The following HRK variants were observed in gnomAD, a reference collection of about 807,000 sequenced individuals.
The protein encoded by HRK is harakiri, BCL2 interacting protein, also known as activator of apoptosis harakiri.
HRK carries 6 observed loss-of-function variants against 5.9 expected under a neutral mutation model. The ratio of observed to expected loss-of-function variants is 1.02; its 90% CI spans 0.56 to 2.01. The LOEUF is 2.01. Ranked by LOEUF, HRK falls within the 30% of genes most tolerant of loss-of-function variation. The probability of loss-of-function intolerance (pLI) is 0.00; values close to 1 mark genes in which losing one functional copy is unlikely to be tolerated. For missense variants in HRK, 133 were observed against 128.3 expected (o/e 1.04, Z -0.18); for synonymous variants, 85 against 65.1 (o/e 1.31, Z -1.47).
chr12:116,876,387 C>T (rs1446721921), intron 1 of HRK, among the ~76,000 whole-genome samples: 1 of 152,228 alleles, frequency 6.6e-6, no homozygotes, highest in Non-Finnish European at 1.5e-5. Flanking sequence ...CAGGTTTAAC[C>T]ACTTAATCCC....
chr12:116,870,682 A>C (rs1220010228), intron 1 of HRK, among the ~76,000 whole-genome samples: 1 of 152,166 alleles, frequency 6.6e-6, no homozygotes, highest in East Asian at 1.9e-4. Flanking sequence ...ACACACCAGT[A>C]GTCTCAGCTA....
At chr12:116,875,819 C>CTTG (rs1878905667) in intron 1 of HRK, among the ~76,000 whole-genome samples, 1 of 152,148 alleles carries the variant, frequency 6.6e-6, no homozygotes, top group Non-Finnish European at 1.5e-5. Context: ...GCTGGGATTA[C>CTTG]AGGTGTGAGC....
chr12:116,876,331 G>A (rs548655893), intron 1 of HRK, among the ~76,000 whole-genome samples: 2 of 152,338 alleles, frequency 1.3e-5, no homozygotes, highest in African/African-American at 4.8e-5. Flanking sequence ...AAGTAATTCT[G>A]GCAGGGGTGC....
intron 1 of HRK, among the ~76,000 whole-genome samples, chr12:116,874,967 G>A (rs570150995): frequency 6.6e-6 from 1 of 152,180 alleles, no homozygotes; most frequent in Non-Finnish European, 1.5e-5. Flanking sequence ...GTGTGAGCAT[G>A]GTCAAATATG....
At chr12:116,876,509 C>T (rs890060475) in intron 1 of HRK, among the ~76,000 whole-genome samples, 1 of 152,146 alleles carries the variant, frequency 6.6e-6, no homozygotes, top group African/African-American at 2.4e-5. Flanking sequence ...CTGACCACGT[C>T]GCCTTATGGG....
At chr12:116,871,660 T>C (rs1381366468) in intron 1 of HRK, among the ~76,000 whole-genome samples, 3 of 150,396 alleles carry the variant, frequency 2.0e-5, no homozygotes, top group Non-Finnish European at 4.4e-5. Flanking sequence ...AGGGTCTTGC[T>C]CTGTCGCCCA....
At chr12:116,870,379 GAGGCACGCT>G (rs1379140378) in intron 1 of HRK, among the ~76,000 whole-genome samples, 1 of 152,190 alleles carries the variant, frequency 6.6e-6, no homozygotes, top group Non-Finnish European at 1.5e-5. Context: ...GAAGTGGGGA[GAGGCACGCT>G]AGGCGTCATC....
rs912362266 is a variant in HRK, at chr12:116,878,748, C to A, written c.*56+2228G>T. On this transcript the variant is annotated intron_variant, in intron 1 of 1. Coordinates refer to ENST00000257572, the MANE Select transcript of HRK (RefSeq NM_003806.4). The surrounding 1 kb of genome is among the most constrained non-coding windows in gnomAD (Gnocchi z 4.4). ...CCCTGGAGGGTGTGGCTGCAGGGGA[C>A]GCCCGGGCGGGACAAGGCAGGTAGG... 6.6e-6 allele frequency among the ~76,000 whole-genome samples: 1 copy of A among 152,114 alleles called. No individual in the cohort carries two copies. The highest frequency in any genetic ancestry group is 2.4e-5 in the African/African-American group (1 of 41,426).
chr12:116,858,658 TA>T lies in HRK; in HGVS notation c.*2864del, dbSNP rs1565880816. ...CTGAAACCCGATATGAGGTCTTTTT[TA>T]AAATTTATTTCAAAGCCTCCCTCCC... On this transcript the variant is annotated 3_prime_UTR_variant, in exon 2 of 2. Transcript: ENST00000257572. 2 of 151,168 alleles carry T rather than the reference TA, an allele frequency of 1.3e-5. No homozygotes were observed. Among genetic ancestry groups the T allele is most frequent in the African/African-American group, 4.9e-5 (2 of 41,042 alleles). The allele number at this position is 151,168 out of a possible 1,614,324, so 9.4% of individuals were successfully genotyped here. A position where few individuals can be genotyped will look rare whatever the true frequency, so the allele number is the denominator to read the frequency against.
Position 116,881,146 on chromosome 12 carries a change from C to T in HRK, c.162G>A (p.Ala54=). 1 of 1,186,074 alleles carries T rather than the reference C, an allele frequency of 8.4e-7. No individual in the cohort carries two copies. The highest frequency in any genetic ancestry group is 1.0e-6 in the Non-Finnish European group (1 of 960,248). The allele number at this position is 1,186,074 out of a possible 1,614,324, so 73.5% of individuals were successfully genotyped here. A position where few individuals can be genotyped will look rare whatever the true frequency, so the allele number is the denominator to read the frequency against. Residue 54 remains alanine (A), a synonymous_variant, in exon 1 of 2, where the codon GCG becomes GCA. Coordinates refer to ENST00000257572, the MANE Select transcript of HRK (RefSeq NM_003806.4). ...CGGGCGCCGGCGCCCTCCGGCTCCG[C>T]GCGCGGCGCCGCCACATGGTGCGCT... ...LHQRTMWRRR[A]RSRRAPAPGA...
chr12:116,873,039 G>A (rs895094510), intron 1 of HRK, among the ~76,000 whole-genome samples: 1 of 152,216 alleles, frequency 6.6e-6, no homozygotes, highest in African/African-American at 2.4e-5. Context: ...CATGGGAAAG[G>A]ACTGCAATCT....
At position 116,861,220 on chromosome 12, in the gene HRK, C is replaced by T. The variant is rs943443345; in HGVS notation, c.*303G>A. On this transcript the variant is annotated 3_prime_UTR_variant, in exon 2 of 2. Transcript: ENST00000257572. ...GTCCTCAACAAGGCATGCACTGATA[C>T]GTAATATTCATATTTTCTTTTTTTA... 1 of 152,148 alleles carries T rather than the reference C, an allele frequency of 6.6e-6. No homozygotes were observed. The highest frequency in any genetic ancestry group is 1.5e-5 in the Non-Finnish European group (1 of 68,034). The allele number at this position is 152,148 out of a possible 1,614,324, so 9.4% of individuals were successfully genotyped here.
At chr12:116,865,033 G>C (rs1878489510) in intron 1 of HRK, among the ~76,000 whole-genome samples, 1 of 152,138 alleles carries the variant, frequency 6.6e-6, no homozygotes, top group Non-Finnish European at 1.5e-5. Context: ...CCGTGTGAGG[G>C]GGGAGGCGGG....
rs1299984305 is a variant in HRK at position 116,879,809 on chromosome 12, C to G, written c.*56+1167G>C. On this transcript the variant is annotated intron_variant, in intron 1 of 1. Transcript: ENST00000257572. This position sits in a 1 kb window ranked among gnomAD's most constrained non-coding sequence, Gnocchi z 5.6. ...TCGGGCCTCGCCTTCAGGCGCCGCT[C>G]CAACTTCCCAGGGTGTCTGCGGCGC... 3.3e-5 allele frequency among the ~76,000 whole-genome samples: 5 copies of G among 152,214 alleles called. No individual in the cohort carries two copies. Among genetic ancestry groups the G allele is most frequent in the African/African-American group, 1.2e-4 (5 of 41,464 alleles).
chr12:116,880,504 A>G (rs1214270358), intron 1 of HRK, among the ~76,000 whole-genome samples: 1 of 152,128 alleles, frequency 6.6e-6, no homozygotes, highest in African/African-American at 2.4e-5. Context: ...TAGGGACAAG[A>G]GGTTGGGAGC....
Position 116,881,107 on chromosome 12 carries a change from G to C in HRK, c.201C>G (p.Thr67=). The C allele has an allele frequency of 8.0e-7, 1 of 1,242,264 alleles. No homozygotes were observed. 77.0% of individuals were successfully genotyped at this position (1,242,264 alleles called of 1,614,324 possible). A position where few individuals can be genotyped will look rare whatever the true frequency, so the allele number is the denominator to read the frequency against. ...RRAPAPGALP[T]YWPWLCAAAQ... is the part of the protein sequence containing the mutation. ...CGGCCGCGCACAGCCAAGGCCAGTAGGTGGGGAGCGCGCCGGGCGCCGGCG... is the reference window on the plus strand; with the variant it reads ...CGGCCGCGCACAGCCAAGGCCAGTACGTGGGGAGCGCGCCGGGCGCCGGCG... Residue 67 remains threonine (T), a synonymous_variant, in exon 1 of 2, where the codon ACC becomes ACG. Transcript: ENST00000257572.
intron 1 of HRK, among the ~76,000 whole-genome samples, chr12:116,870,853 T>C (rs1358856139): frequency 6.6e-6 from 1 of 152,182 alleles, no homozygotes. Flanking sequence ...AACGGCAGTG[T>C]TTCCAGATCT....
rs1878248246 is a variant in HRK at position 116,858,735 on chromosome 12, C to A, written c.*2788G>T. The A allele has an allele frequency of 6.6e-6, 1 of 151,758 alleles. No individual in the cohort carries two copies. Among genetic ancestry groups the A allele is most frequent in the Non-Finnish European group, 1.5e-5 (1 of 68,002 alleles). 9.4% of individuals were successfully genotyped at this position (151,758 alleles called of 1,614,324 possible). Reference sequence around the variant, plus strand: ...GCTCTGCAGTGAAGCTAATCAAAATCAATGACTCCTTGGCAGCCAGAGAAA... The same window carrying A: ...GCTCTGCAGTGAAGCTAATCAAAATAAATGACTCCTTGGCAGCCAGAGAAA... On this transcript the variant is annotated 3_prime_UTR_variant, in exon 2 of 2. Transcript: ENST00000257572.
rs1879151823 is a variant in HRK at position 116,881,347 on chromosome 12, C to G, written c.-40G>C. ...CTCCCGCCCCGCGCTCGGGCCGCCC[C>G]TCGCCTCCTCTCCCTCCGGCCTCTG... is the stretch of plus-strand genomic sequence containing the variant. On this transcript the variant is annotated 5_prime_UTR_variant, in exon 1 of 2. Transcript: ENST00000257572. The G allele has an allele frequency of 1.0e-5, 11 of 1,058,972 alleles. No homozygotes were observed. The South Asian group carries it at 3.5e-4, about 34-fold the overall frequency. 65.6% of individuals were successfully genotyped at this position (1,058,972 alleles called of 1,614,324 possible). A position where few individuals can be genotyped will look rare whatever the true frequency, so the allele number is the denominator to read the frequency against.
Sources: gnomAD v4.1 joint callset for allele counts (sites outside exome capture counted in the v4.1 genomes callset) on GRCh38, gnomAD v4.1.1 for gene constraint, Gnocchi (gnomAD v3.1) non-coding constraint, MANE v1.5 for transcripts, NCBI Gene and HGNC (gene_info 2026-07-23, HGNC 2026-07-21) for gene names.